RNF115: variants seen among roughly 807,000 people sequenced by gnomAD.
RNF115 encodes ring finger protein 115.
In RNF115, 31 loss-of-function variants were observed where a neutral mutation model predicts 39.2. The observed-to-expected ratio is 0.79, with a 90% CI of 0.59 to 1.07. The LOEUF is 1.07. Ranked by LOEUF, RNF115 falls within the 50% of genes least tolerant of loss-of-function variation. The pLI, the probability that RNF115 is intolerant of heterozygous loss-of-function variation, is 0.00. For missense variants in RNF115, 384 were observed against 381.7 expected (o/e 1.01, Z -0.05); for synonymous variants, 124 against 131.0 (o/e 0.95, Z 0.37).
At chr1:145,765,292 C>T (rs1658726412) in intron 4 of RNF115, among the ~76,000 whole-genome samples, 1 of 152,268 alleles carries the variant, frequency 6.6e-6, no homozygotes, top group South Asian at 2.1e-4. Context: ...TGGAAGGCCG[C>T]AGGGCCCTCT....
intron 1 of RNF115, among the ~76,000 whole-genome samples, chr1:145,819,485 A>G (rs1650139804): frequency 6.6e-6 from 1 of 151,974 alleles, no homozygotes; most frequent in Non-Finnish European, 1.5e-5. Context: ...CTTACCAATC[A>G]GAAAAGGCCC....
At chr1:145,804,607 A>G (rs587776129) in intron 1 of RNF115, among the ~76,000 whole-genome samples, 3 of 152,266 alleles carry the variant, frequency 2.0e-5, no homozygotes, top group Admixed American at 2.0e-4. Flanking sequence ...ATGAGATAGT[A>G]CCGGGAATAT....
At chr1:145,788,132 T>C (rs1256633653) in intron 2 of RNF115, among the ~76,000 whole-genome samples, 1 of 152,118 alleles carries the variant, frequency 6.6e-6, no homozygotes, top group African/African-American at 2.4e-5. Flanking sequence ...TTCACTCTTG[T>C]TGCCCAGGCT....
intron 3 of RNF115, among the ~76,000 whole-genome samples, chr1:145,783,018 T>C (rs1364236059): frequency 1.3e-5 from 2 of 152,120 alleles, no homozygotes; most frequent in Admixed American, 6.5e-5. Flanking sequence ...CATGCCACCA[T>C]GCCCAGCTAA....
At chr1:145,765,576 A>G (rs1647222259) in intron 4 of RNF115, among the ~76,000 whole-genome samples, 1 of 152,178 alleles carries the variant, frequency 6.6e-6, no homozygotes, top group Non-Finnish European at 1.5e-5. Context: ...ATTTCTTGAT[A>G]CTTGAGAAAT....
In RNF115 at chr1:145,784,601, A is replaced by G. The variant is rs1553717896; in HGVS notation, c.162-5T>C. The G allele has an allele frequency of 6.2e-7, 1 of 1,613,702 alleles. No homozygotes were observed. The highest frequency in any genetic ancestry group is 2.2e-5 in the East Asian group (1 of 44,878). ...CTGCCGCCACCACCTAAAAAACTAA[A>G]GAGAAAAGGAATGAGTGGTGATTCT... On this transcript the variant is annotated splice_region_variant and splice_polypyrimidine_tract_variant and intron_variant, in intron 2 of 8. Transcript: ENST00000582693.
intron 6 of RNF115, 28 bp downstream of exon 6, chr1:145,751,410 C>G: frequency 6.6e-7 from 1 of 1,512,502 alleles, no homozygotes; most frequent in Non-Finnish European, 9.0e-7. Flanking sequence ...ACACACTGAA[C>G]AGACACCCTC....
intron 4 of RNF115, among the ~76,000 whole-genome samples, chr1:145,767,438 CACTTCCTAGATGGGATGG>C (rs1317266257): frequency 6.6e-6 from 1 of 151,832 alleles, no homozygotes; most frequent in African/African-American, 2.4e-5. Flanking sequence ...AGACGCTCCT[CACTTCCTAGATGGGATGG>C]CGGCCGGGCA....
chr1:145,766,796 G>C (rs1233963892), intron 4 of RNF115, among the ~76,000 whole-genome samples: 1 of 33,646 alleles, frequency 3.0e-5, no homozygotes, highest in Non-Finnish European at 4.9e-5. Flanking sequence ...GGCCGGGGGG[G>C]GGGGGGGGGG....
At chr1:145,753,122 A>T in intron 4 of RNF115, 73 bp from the exon 5 acceptor site, 1 of 989,982 alleles carries the variant, frequency 1.0e-6, no homozygotes. Flanking sequence ...ATGGCTGCCT[A>T]ATCACCAACT....
At chr1:145,758,600 T>C (rs1462621248) in intron 4 of RNF115, among the ~76,000 whole-genome samples, 3 of 152,190 alleles carry the variant, frequency 2.0e-5, no homozygotes, top group African/African-American at 7.2e-5. Flanking sequence ...GAAGGGCAAA[T>C]TATCTTATGC....
chr1:145,750,288 T>A (rs894280133), intron 7 of RNF115, 119 bp downstream of exon 7: 44 of 807,486 alleles, frequency 5.4e-5, no homozygotes, highest in South Asian at 4.8e-4. Context: ...TTGGGATTTT[T>A]TTTCTTATTT....
At chr1:145,766,683 C>G (rs1398535097) in intron 4 of RNF115, among the ~76,000 whole-genome samples, 1 of 141,408 alleles carries the variant, frequency 7.1e-6, no homozygotes, top group African/African-American at 2.6e-5. Flanking sequence ...CTGACCCCCC[C>G]ACCTCCCTCC....
chr1:145,760,059 G>A (rs1658441743), intron 4 of RNF115, among the ~76,000 whole-genome samples: 2 of 152,048 alleles, frequency 1.3e-5, no homozygotes, highest in South Asian at 4.2e-4. Flanking sequence ...CTCCACGAGG[G>A]CAGTCATTCT....
At position 145,824,038 on chromosome 1, in the gene RNF115, G is replaced by C. The variant is rs1197165763; in HGVS notation, c.-165C>G. 4.0e-6 allele frequency: 2 copies of C among 504,670 alleles called. No individual in the cohort carries two copies. Among genetic ancestry groups the C allele is most frequent in the African/African-American group, 2.0e-5 (1 of 48,804 alleles). 31.3% of individuals were successfully genotyped at this position (504,670 alleles called of 1,614,324 possible). A position where few individuals can be genotyped will look rare whatever the true frequency, so the allele number is the denominator to read the frequency against. On this transcript the variant is annotated 5_prime_UTR_variant, in exon 1 of 9. Transcript: ENST00000582693. ...TGGCCAGGCCCAGAAACGCGGCGGC[G>C]CCAACAGCTACCCTGCGGCCCGCCT...
intron 3 of RNF115, 91 bp from the exon 4 acceptor site, chr1:145,772,010 T>A: frequency 9.8e-7 from 1 of 1,023,108 alleles, no homozygotes; most frequent in South Asian, 1.6e-5. Flanking sequence ...AAATGGCCAC[T>A]GTGAATATTA....
intron 1 of RNF115, among the ~76,000 whole-genome samples, chr1:145,819,862 A>AC (rs587661926): frequency 1.7e-3 from 258 of 152,236 alleles, no homozygotes; most frequent in African/African-American, 5.8e-3. Flanking sequence ...ACACGGGGAA[A>AC]CCCCATCTCT....
At position 145,823,856 on chromosome 1, in the gene RNF115, C is replaced by T; in HGVS notation, c.18G>A (p.Ala6=). Residue 6 remains alanine (A), a synonymous_variant, in exon 1 of 9, where the codon GCG becomes GCA. Transcript: ENST00000582693. The part of the protein sequence containing the change: MAEAS[A]AGADSGAAVA... Reference sequence around the variant, plus strand: ...CAGCGGCGCCCGAGTCCGCCCCGGCCGCCGAAGCCTCCGCCATTTTTGCCC... The same window carrying T: ...CAGCGGCGCCCGAGTCCGCCCCGGCTGCCGAAGCCTCCGCCATTTTTGCCC... 1 of 1,558,180 alleles carries T rather than the reference C, an allele frequency of 6.4e-7. No homozygotes were observed. Among genetic ancestry groups the T allele is most frequent in the Non-Finnish European group, 8.6e-7 (1 of 1,156,156 alleles).
intron 1 of RNF115, among the ~76,000 whole-genome samples, chr1:145,796,208 G>A (rs1648968649): frequency 6.6e-6 from 1 of 152,118 alleles, no homozygotes. Flanking sequence ...GCTTTCCCAT[G>A]ATTTCCAGCT....
Sources: gnomAD v4.1 joint callset for allele counts (sites outside exome capture counted in the v4.1 genomes callset) on GRCh38, gnomAD v4.1.1 for gene constraint, MANE v1.5 for transcripts, NCBI Gene and HGNC (gene_info 2026-07-23, HGNC 2026-07-21) for gene names.